ENTREP2: variants seen among roughly 807,000 people sequenced by gnomAD.
ENTREP2 encodes the protein protein ENTREP2.
At chr15:29,197,922 T>C in the ENTREP2 span, among the ~76,000 whole-genome samples, 6 of 152,272 alleles carry the variant, frequency 3.9e-5, no homozygotes, top group South Asian at 1.2e-3. Context: ...TTCAGACAAA[T>C]ATTGGCCATT....
At chr15:29,292,782 A>G in the ENTREP2 span, among the ~76,000 whole-genome samples, 1 of 152,216 alleles carries the variant, frequency 6.6e-6, no homozygotes, top group Non-Finnish European at 1.5e-5. Flanking sequence ...GAAGCTGTAC[A>G]TCTTTGGTTT....
chr15:29,292,105 A>C, the ENTREP2 span, among the ~76,000 whole-genome samples: 1 of 152,120 alleles, frequency 6.6e-6, no homozygotes, highest in African/African-American at 2.4e-5. Context: ...TAGGAATTCT[A>C]TCTGCATAAC....
chr15:29,665,213 C>T, the ENTREP2 span, among the ~76,000 whole-genome samples: 19 of 152,292 alleles, frequency 1.2e-4, no homozygotes, highest in Middle Eastern at 6.8e-3. Flanking sequence ...CCTTCTTCTG[C>T]GTATCTGGCT....
the ENTREP2 span, among the ~76,000 whole-genome samples, chr15:29,587,138 C>CAT: frequency 0.032 from 4,022 of 124,050 alleles, 98 homozygotes; most frequent in Non-Finnish European, 0.043. Context: ...TGTAGCTAAC[C>CAT]GTGTGTGTGT....
At chr15:29,316,908 G>C in the ENTREP2 span, among the ~76,000 whole-genome samples, 1 of 152,096 alleles carries the variant, frequency 6.6e-6, no homozygotes, top group Non-Finnish European at 1.5e-5. Context: ...TAAAATCACT[G>C]GGGGAAACAA....
chr15:29,182,346 C>T, the ENTREP2 span, among the ~76,000 whole-genome samples: 2 of 151,888 alleles, frequency 1.3e-5, no homozygotes, highest in South Asian at 4.2e-4. Flanking sequence ...AGGATGGTCT[C>T]GATCTCCTGA....
chr15:29,348,562 T>C, the ENTREP2 span, among the ~76,000 whole-genome samples: 1 of 152,086 alleles, frequency 6.6e-6, no homozygotes, highest in Non-Finnish European at 1.5e-5. Flanking sequence ...TGAGAGAATG[T>C]GGAGTCTTCG....
chr15:29,137,478 T>G, the ENTREP2 span, among the ~76,000 whole-genome samples: 1 of 152,166 alleles, frequency 6.6e-6, no homozygotes, highest in Non-Finnish European at 1.5e-5. Context: ...CCACTCCAAC[T>G]GGCCCCTCTG....
the ENTREP2 span, among the ~76,000 whole-genome samples, chr15:29,224,069 T>C: frequency 1.3e-5 from 2 of 152,192 alleles, no homozygotes; most frequent in African/African-American, 4.8e-5. Context: ...TTACAGTTCT[T>C]AAAGACACCG....
chr15:29,516,968 C>CA, the ENTREP2 span, among the ~76,000 whole-genome samples: 43,811 of 88,346 alleles, frequency 0.5, 9,627 homozygotes, highest in African/African-American at 0.52. Context: ...AATTATGAGC[C>CA]AAAAAAAAAA....
chr15:29,653,315 T>C, the ENTREP2 span, among the ~76,000 whole-genome samples: 2 of 152,210 alleles, frequency 1.3e-5, no homozygotes, highest in Non-Finnish European at 2.9e-5. Flanking sequence ...CTTTCTTTTT[T>C]CTTCTTGTTT....
the ENTREP2 span, among the ~76,000 whole-genome samples, chr15:29,659,206 C>T: frequency 1.2e-4 from 19 of 152,208 alleles, no homozygotes; most frequent in Non-Finnish European, 1.5e-4. Flanking sequence ...CACAGTGGCT[C>T]ATGCCTGTAA....
At chr15:29,189,227 C>T in the ENTREP2 span, among the ~76,000 whole-genome samples, 11 of 152,274 alleles carry the variant, frequency 7.2e-5, no homozygotes, top group East Asian at 2.1e-3. Flanking sequence ...TCTTGTGGGG[C>T]TGAGCCCTTA....
the ENTREP2 span, chr15:29,195,300 A>C: frequency 1.0e-6 from 1 of 985,118 alleles, no homozygotes; most frequent in African/African-American, 1.7e-5. Context: ...CTCTCTGTAC[A>C]TCTTTGCTTG....
the ENTREP2 span, among the ~76,000 whole-genome samples, chr15:29,511,345 T>TTC: frequency 0.38 from 54,328 of 142,020 alleles, 10,162 homozygotes; most frequent in African/African-American, 0.47. Context: ...TTTTCTTTTC[T>TTC]TTTTTTTTTT....
At chr15:29,387,447 C>T in the ENTREP2 span, among the ~76,000 whole-genome samples, 1 of 152,118 alleles carries the variant, frequency 6.6e-6, no homozygotes, top group Non-Finnish European at 1.5e-5. Context: ...CAACTACAAA[C>T]CACTGCTCAA....
chr15:29,653,096 G>A, the ENTREP2 span, among the ~76,000 whole-genome samples: 1 of 152,156 alleles, frequency 6.6e-6, no homozygotes, highest in Non-Finnish European at 1.5e-5. Context: ...TTGGTTGCAA[G>A]GGCCAACTGG....
chr15:29,456,492 C>G, the ENTREP2 span, among the ~76,000 whole-genome samples: 441 of 152,252 alleles, frequency 2.9e-3, 1 homozygote, highest in African/African-American at 0.01. Flanking sequence ...GAAACAAAAC[C>G]TGCCCTAACT....
At chr15:29,652,910 G>A in the ENTREP2 span, among the ~76,000 whole-genome samples, 171 of 152,320 alleles carry the variant, frequency 1.1e-3, no homozygotes, top group African/African-American at 3.9e-3. Context: ...AAGCTGAATA[G>A]ACTGGATCAA....
Sources: gnomAD v4.1 joint callset for allele counts (sites outside exome capture counted in the v4.1 genomes callset) on GRCh38, gnomAD v4.1.1 for gene constraint, MANE v1.5 for transcripts, NCBI Gene and HGNC (gene_info 2026-07-23, HGNC 2026-07-21) for gene names.